ALOX12: variants seen among roughly 807,000 people sequenced by gnomAD.
ALOX12 encodes polyunsaturated fatty acid lipoxygenase ALOX12.
In ALOX12, 62 loss-of-function variants were observed where a neutral mutation model predicts 85.5. That is an observed-to-expected ratio of 0.73 (90% CI 0.59 to 0.90). The LOEUF (loss-of-function observed/expected upper bound fraction) is 0.90, where lower values mean the gene tolerates loss of function less well. Ranked by LOEUF, ALOX12 falls within the 40% of genes least tolerant of loss-of-function variation. ALOX12 has a pLI of 0.00. For synonymous variants in ALOX12, 299 were observed against 332.7 expected, an observed-to-expected ratio of 0.90 and a Z score of 1.10; for missense variants, 751 against 856.5, an observed-to-expected ratio of 0.88 and a Z score of 1.54.
chr17:7,003,224 G>C (rs989742351), intron 8 of ALOX12, among the ~76,000 whole-genome samples: 6 of 152,218 alleles, frequency 3.9e-5, no homozygotes, highest in Non-Finnish European at 8.8e-5. Flanking sequence ...TGAGTTGCTG[G>C]CAGATGCACA....
intron 8 of ALOX12, among the ~76,000 whole-genome samples, 179 bp from the exon 9 acceptor site, chr17:7,005,077 TC>T (rs1819257916): frequency 6.6e-6 from 1 of 152,126 alleles, no homozygotes; most frequent in African/African-American, 2.4e-5. Context: ...TCAGTCTGGC[TC>T]CAGGGCCCAA....
chr17:6,999,930 G>A (rs1243148687), intron 6 of ALOX12, among the ~76,000 whole-genome samples: 1 of 152,196 alleles, frequency 6.6e-6, no homozygotes, highest in Non-Finnish European at 1.5e-5. Context: ...AAGCTCTCTG[G>A]AATATTTGGC....
chr17:7,009,876 G>A, intron 12 of ALOX12, 29 bp downstream of exon 12: 1 of 1,613,830 alleles, frequency 6.2e-7, no homozygotes, highest in Non-Finnish European at 8.5e-7. Flanking sequence ...CCAGGTCCCT[G>A]AAGGCAAGGT....
intron 9 of ALOX12, 25 bp downstream of exon 9, chr17:7,005,368 C>G (rs1204155607): frequency 1.3e-6 from 2 of 1,569,128 alleles, no homozygotes; most frequent in Non-Finnish European, 1.8e-6. Context: ...GGGCATGGGA[C>G]TGCCTCATCC....
At position 7,010,154 on chromosome 17, in the gene ALOX12, A is replaced by T. The variant is rs1298183127; in HGVS notation, c.1812+28A>T. The T allele has an allele frequency of 3.1e-6, 5 of 1,601,552 alleles. No homozygotes were observed. In the East Asian group the frequency reaches 1.1e-4, roughly 36 times the overall value. ...GAGAGGGGACTCTCGGGAGAGGGAAATGACAGTTGGAAAGGAAACATCAGA... is the reference window on the plus strand; with the variant it reads ...GAGAGGGGACTCTCGGGAGAGGGAATTGACAGTTGGAAAGGAAACATCAGA... On this transcript the variant is annotated intron_variant, in intron 13 of 13. Transcript: ENST00000251535.
chr17:6,996,137 G>GTGGTA lies in ALOX12; in HGVS notation c.20_21insTGGTA (p.Val8GlyfsTer58). ...GGCGCCATGGGCCGCTACCGCATCC[G>GTGGTA]CGTGGCCACCGGGGCCTGGCTCTTC... On this transcript the variant is annotated frameshift_variant, in exon 1 of 14. Transcript: ENST00000251535. LOFTEE classifies it high-confidence loss of function. 1.6e-6 allele frequency: 2 copies of GTGGTA among 1,252,666 alleles called. No individual in the cohort carries two copies. Among genetic ancestry groups the GTGGTA allele is most frequent in the Non-Finnish European group, 2.0e-6 (2 of 991,710 alleles). The allele number at this position is 1,252,666 out of a possible 1,614,324, so 77.6% of individuals were successfully genotyped here. A position where few individuals can be genotyped will look rare whatever the true frequency, so the allele number is the denominator to read the frequency against.
In ALOX12 at chr17:7,010,325, G is replaced by C. The variant is rs1597328629; in HGVS notation, c.1894G>C (p.Glu632Gln). 1.9e-6 allele frequency: 3 copies of C among 1,614,186 alleles called. No homozygotes were observed. Residue 632 changes from glutamate (E) to glutamine (Q), a missense_variant, in exon 14 of 14, where the codon GAA becomes CAA. By Grantham distance (29) the Glu-to-Gln change is conservative. Transcript: ENST00000251535. ...AVLNQFRTDL[E>Q]KLEKEITARN... is the part of the protein sequence containing the mutation. ...GCTAAACCAATTCCGAACAGATTTG[G>C]AAAAGCTGGAAAAGGAGATTACAGC... is the stretch of plus-strand genomic sequence containing the variant.
chr17:6,996,312 G>A lies in ALOX12; in HGVS notation c.135+60G>A, dbSNP rs1242491166. 13 of 1,217,384 alleles carry A rather than the reference G, an allele frequency of 1.1e-5. No homozygotes were observed. In the African/African-American group the frequency reaches 1.1e-4, roughly 10 times the overall value. 75.4% of individuals were successfully genotyped at this position (1,217,384 alleles called of 1,614,324 possible). A position where few individuals can be genotyped will look rare whatever the true frequency, so the allele number is the denominator to read the frequency against. On this transcript the variant is annotated intron_variant, in intron 1 of 13. Coordinates refer to ENST00000251535, the MANE Select transcript of ALOX12 (RefSeq NM_000697.3). Reference sequence around the variant, plus strand: ...GGGACCCCGGGCCCAGGCCCGGGCCGAGCTGGGCTCGCGGCGGGAGGGCGG... The same window carrying A: ...GGGACCCCGGGCCCAGGCCCGGGCCAAGCTGGGCTCGCGGCGGGAGGGCGG...
Position 7,006,482 on chromosome 17 carries a change from G to A in ALOX12, c.1419-4G>A. The A allele has an allele frequency of 1.2e-6, 2 of 1,613,556 alleles. No homozygotes were observed. Among genetic ancestry groups the A allele is most frequent in the South Asian group, 2.2e-5 (2 of 91,076 alleles). ...GCCCTCAAGTGCCTTTTCCCCCTGG[G>A]CAGGTATGTGGAGGGGATCGTCCAC... On this transcript the variant is annotated splice_region_variant and splice_polypyrimidine_tract_variant and intron_variant, in intron 10 of 13. Coordinates refer to ENST00000251535, the MANE Select transcript of ALOX12 (RefSeq NM_000697.3).
rs145060214 is a variant in ALOX12 at position 7,000,735 on chromosome 17, C to T, written c.951+256C>T. ...CACACTTCAGTGTGCATCAGAATCA[C>T]CTGAATGCCTGTTGAAATGCAGATT... is the stretch of plus-strand genomic sequence containing the variant. On this transcript the variant is annotated intron_variant, in intron 7 of 13. Transcript: ENST00000251535. The surrounding 1 kb of genome is among the most constrained non-coding windows in gnomAD (Gnocchi z 4.6). Among the ~76,000 whole-genome samples, 1 of 152,290 alleles carries T rather than the reference C, an allele frequency of 6.6e-6. No homozygotes were observed. The highest frequency in any genetic ancestry group is 2.4e-5 in the African/African-American group (1 of 41,562).
chr17:7,005,549 C>T (rs1232346141), intron 9 of ALOX12, among the ~76,000 whole-genome samples: 8 of 134,362 alleles, frequency 6.0e-5, no homozygotes, highest in African/African-American at 2.3e-4. Context: ...GGCGCCATCT[C>T]GGCTCACTGC....
intron 2 of ALOX12, among the ~76,000 whole-genome samples, chr17:6,997,342 T>C (rs901469519): frequency 2.0e-5 from 3 of 149,578 alleles, no homozygotes; most frequent in East Asian, 2.0e-4. Context: ...AAAGTGAAAG[T>C]AGGAAGGAGA....
Position 7,010,399 on chromosome 17 carries a change from C to T in ALOX12, c.1968C>T (p.Cys656=), listed in dbSNP as rs2229172. The T allele has an allele frequency of 1.4e-4, 230 of 1,614,170 alleles. No individual in the cohort carries two copies. The African/African-American group carries it at 2.5e-3, about 17-fold the overall frequency. The change falls in exon 14 of 14, where the codon TGC becomes TGT. Residue 656 remains cysteine, a synonymous_variant. Coordinates refer to ENST00000251535, the MANE Select transcript of ALOX12 (RefSeq NM_000697.3). The part of the protein sequence containing the change: ...DWPYEYLKPS[C]IENSVTI Reference sequence around the variant, plus strand: ...CCTATGAATATCTGAAGCCCAGCTGCATAGAGAACAGTGTCACCATCTGAG... The same window carrying T: ...CCTATGAATATCTGAAGCCCAGCTGTATAGAGAACAGTGTCACCATCTGAG...
Position 6,998,834 on chromosome 17 carries a change from C to T in ALOX12, c.539C>T (p.Ala180Val). ...CTGGACTTTGAATGGACACTGAAGG[C>T]AGGGTGAGAAAAAGGCTAGACCTCG... ...KRLDFEWTLKAGALEMALKRV... is the reference protein window; with the variant it reads ...KRLDFEWTLKVGALEMALKRV... Residue 180 changes from alanine (A) to valine (V), a missense_variant, in exon 4 of 14, where the codon GCA becomes GTA. Transcript: ENST00000251535. 1 of 1,614,072 alleles carries T rather than the reference C, an allele frequency of 6.2e-7. No homozygotes were observed. Among genetic ancestry groups the T allele is most frequent in the Non-Finnish European group, 8.5e-7 (1 of 1,179,992 alleles).
At chr17:7,009,204 T>C (rs1026778564) in intron 11 of ALOX12, among the ~76,000 whole-genome samples, 2 of 151,830 alleles carry the variant, frequency 1.3e-5, no homozygotes, top group African/African-American at 2.4e-5. Context: ...GGACTACAGG[T>C]GCCCGCCACC....
Position 6,997,010 on chromosome 17 carries a change from G to A in ALOX12, c.320G>A (p.Ser107Asn), listed in dbSNP as rs139609698. The A allele has an allele frequency of 5.8e-6, 9 of 1,545,840 alleles. No individual in the cohort carries two copies. Among genetic ancestry groups the A allele is most frequent in the African/African-American group, 4.1e-5 (3 of 73,244 alleles). The stretch of plus-strand genomic sequence containing the variant: ...TGGGTGCAGGGCGAGGACATCCTGA[G>A]CCTGCCCGAGGGCACCGGTGAGCAG... ...YRWVQGEDIL[S>N]LPEGTARLPG... Residue 107 changes from serine to asparagine, a missense_variant, in exon 2 of 14, where the codon AGC (serine) becomes AAC (asparagine). Coordinates refer to ENST00000251535, the MANE Select transcript of ALOX12 (RefSeq NM_000697.3).
At chr17:7,005,386 C>T (rs761630546) in intron 9 of ALOX12, 43 bp downstream of exon 9, 4 of 1,506,756 alleles carry the variant, frequency 2.7e-6, no homozygotes, top group Non-Finnish European at 3.7e-6. Flanking sequence ...TCCATCTCTC[C>T]ATGATCTGCC....
chr17:7,002,363 T>C (rs1343163264), intron 8 of ALOX12: 12 of 386,408 alleles, frequency 3.1e-5, no homozygotes, highest in Non-Finnish European at 6.3e-5. Flanking sequence ...GGAAAGAATC[T>C]AAAACGTAGT....
At chr17:7,005,820 C>T (rs772868538) in intron 9 of ALOX12, 38 bp from the exon 10 acceptor site, 14 of 1,593,960 alleles carry the variant, frequency 8.8e-6, no homozygotes, top group Non-Finnish European at 1.2e-5. Flanking sequence ...TTCTCCAGCC[C>T]TGTTTCCCCC....
Sources: gnomAD v4.1 joint callset for allele counts (sites outside exome capture counted in the v4.1 genomes callset) on GRCh38, gnomAD v4.1.1 for gene constraint, Gnocchi (gnomAD v3.1) non-coding constraint, MANE v1.5 for transcripts, NCBI Gene and HGNC (gene_info 2026-07-23, HGNC 2026-07-21) for gene names.